Variants in PPM1H observed in about 807,000 individuals in gnomAD.
The protein encoded by PPM1H is protein phosphatase 1H.
PPM1H carries 27 observed loss-of-function variants against 54.9 expected under a neutral mutation model. That is an observed-to-expected ratio of 0.49 (90% CI 0.36 to 0.68). PPM1H has a LOEUF of 0.68. Ranked by LOEUF, PPM1H falls within the 30% of genes least tolerant of loss-of-function variation. The pLI, the probability that PPM1H is intolerant of heterozygous loss-of-function variation, is 0.00. For synonymous variants in PPM1H, 305 were observed against 270.8 expected (o/e 1.13, Z -1.24); for missense variants, 596 against 667.8 (o/e 0.89, Z 1.19).
At chr12:62,715,916 G>A (rs1467389481) in intron 6 of PPM1H, among the ~76,000 whole-genome samples, 1 of 152,152 alleles carries the variant, frequency 6.6e-6, no homozygotes, top group Admixed American at 6.5e-5. Context: ...TGACCCTATA[G>A]GATCGTCAAG....
At chr12:62,925,022 G>T (rs988104725) in intron 1 of PPM1H, among the ~76,000 whole-genome samples, 2 of 152,070 alleles carry the variant, frequency 1.3e-5, no homozygotes, top group African/African-American at 4.8e-5. Flanking sequence ...CAGCCTGAGC[G>T]ACAGAGCAAG....
At chr12:62,655,206 A>G (rs1370061791) in intron 9 of PPM1H, among the ~76,000 whole-genome samples, 2 of 152,124 alleles carry the variant, frequency 1.3e-5, no homozygotes, top group African/African-American at 4.8e-5. Context: ...CCGGGGACTC[A>G]GCTCTTGGGA....
chr12:62,851,982 C>A (rs1463342683), intron 1 of PPM1H, among the ~76,000 whole-genome samples: 4 of 150,954 alleles, frequency 2.6e-5, no homozygotes, highest in Non-Finnish European at 4.4e-5. Flanking sequence ...GCCTGTAATC[C>A]CAGCACTTTG....
At chr12:62,681,386 G>A (rs903119303) in intron 8 of PPM1H, among the ~76,000 whole-genome samples, 1 of 151,982 alleles carries the variant, frequency 6.6e-6, no homozygotes, top group African/African-American at 2.4e-5. Flanking sequence ...GCTCCTCACT[G>A]CCACAGTCTC....
intron 4 of PPM1H, among the ~76,000 whole-genome samples, chr12:62,741,814 G>A (rs1472138523): frequency 2.0e-5 from 3 of 152,178 alleles, no homozygotes; most frequent in Non-Finnish European, 2.9e-5. Flanking sequence ...GCTTGCTGAT[G>A]GATAAGTGGC....
chr12:62,679,492 A>G (rs1161797229), intron 8 of PPM1H, among the ~76,000 whole-genome samples: 2 of 152,022 alleles, frequency 1.3e-5, no homozygotes, highest in Non-Finnish European at 2.9e-5. Flanking sequence ...AGAACTCCCC[A>G]TTTTCCCTTT....
chr12:62,838,624 GAAT>G (rs935124465), intron 1 of PPM1H, among the ~76,000 whole-genome samples: 6 of 147,550 alleles, frequency 4.1e-5, no homozygotes, highest in African/African-American at 1.6e-4. Context: ...CATCCATCAA[GAAT>G]AATAGCTTCT....
At chr12:62,837,481 C>G (rs1292467560) in intron 1 of PPM1H, among the ~76,000 whole-genome samples, 1 of 152,238 alleles carries the variant, frequency 6.6e-6, no homozygotes, top group Non-Finnish European at 1.5e-5. Context: ...GGCAAAGTCA[C>G]TCAACACCAA....
Position 62,715,386 on chromosome 12 carries a change from G to T in PPM1H, c.1073+4785C>A, listed in dbSNP as rs74098815. Among the ~76,000 whole-genome samples the T allele has an allele frequency of 9.8e-3, 1,487 of 152,070 alleles. 21 individuals are homozygous for T. Among genetic ancestry groups the T allele is most frequent in the African/African-American group, 0.035 (1,434 of 41,444 alleles). On this transcript the variant is annotated intron_variant, in intron 6 of 9. Coordinates refer to ENST00000228705, the MANE Select transcript of PPM1H (RefSeq NM_020700.2). ...CCATCAGGAATGAACTCAGCACTGG[G>T]GGCACTGCGAAGAGAATGGCTTTGT...
intron 1 of PPM1H, among the ~76,000 whole-genome samples, chr12:62,873,593 AG>A (rs1417393179): frequency 6.6e-5 from 10 of 152,350 alleles, no homozygotes; most frequent in African/African-American, 1.9e-4. Flanking sequence ...GGCAGATCAG[AG>A]CCCAGATCCA....
At chr12:62,908,422 A>AAAG (rs1555205219) in intron 1 of PPM1H, among the ~76,000 whole-genome samples, 13 of 134,176 alleles carry the variant, frequency 9.7e-5, no homozygotes, top group Non-Finnish European at 1.3e-4. Context: ...AAAAAAAAAA[A>AAAG]AAAGAAAGAA....
intron 4 of PPM1H, among the ~76,000 whole-genome samples, chr12:62,771,063 C>A (rs1407753609): frequency 1.4e-5 from 2 of 147,474 alleles, no homozygotes; most frequent in African/African-American, 5.3e-5. Flanking sequence ...CACACACACA[C>A]ACACACACAC....
rs564244468 is a variant in PPM1H, at chr12:62,794,245, C to T, written c.757-5907G>A. On this transcript the variant is annotated intron_variant, in intron 3 of 9. Coordinates refer to ENST00000228705, the MANE Select transcript of PPM1H (RefSeq NM_020700.2). ...ACAAAAACAAAGAGAACAAAACCAA[C>T]TTAAATTTAAGACAGCTATGTGGGT... is the stretch of plus-strand genomic sequence containing the variant. Among the ~76,000 whole-genome samples the T allele has an allele frequency of 6.8e-4, 104 of 152,314 alleles. 3 individuals are homozygous for T. In the South Asian group the frequency reaches 0.012, roughly 18 times the overall value.
intron 2 of PPM1H, among the ~76,000 whole-genome samples, chr12:62,831,258 C>A (rs1181085725): frequency 6.6e-6 from 1 of 152,124 alleles, no homozygotes; most frequent in Non-Finnish European, 1.5e-5. Flanking sequence ...AATGAATAGT[C>A]ACATTTGGGT....
Position 62,801,967 on chromosome 12 carries a change from T to C in PPM1H, c.605A>G (p.Asn202Ser). Residue 202 changes from asparagine to serine, a missense_variant, in exon 3 of 10, where the codon AAC becomes AGC. This residue lies in a region of PPM1H where 382 missense variants were observed against 387.1 expected (regional missense o/e 0.99). Coordinates refer to ENST00000228705, the MANE Select transcript of PPM1H (RefSeq NM_020700.2). ...GGCTGCCCGGGTCAGAGTCCGGCTG[T>C]TGGCGGGCGTGTTCTCAGGCTCCTC... ...LGEEPENTPA[N>S]SRTLTRAASL... 6.2e-7 allele frequency: 1 copy of C among 1,612,708 alleles called. No individual in the cohort carries two copies. Among genetic ancestry groups the C allele is most frequent in the Non-Finnish European group, 8.5e-7 (1 of 1,179,186 alleles).
chr12:62,918,399 C>T (rs1871689258), intron 1 of PPM1H, among the ~76,000 whole-genome samples: 1 of 152,150 alleles, frequency 6.6e-6, no homozygotes, highest in Non-Finnish European at 1.5e-5. Context: ...ATGATGGTAC[C>T]AAAATAGGGG....
intron 8 of PPM1H, among the ~76,000 whole-genome samples, chr12:62,683,207 G>C (rs2076032954): frequency 6.6e-6 from 1 of 151,828 alleles, no homozygotes; most frequent in Non-Finnish European, 1.5e-5. Context: ...ACTGTGCCTG[G>C]CCCATTCTCT....
chr12:62,927,256 A>C (rs1342857480), intron 1 of PPM1H, among the ~76,000 whole-genome samples: 1 of 152,264 alleles, frequency 6.6e-6, no homozygotes, highest in Non-Finnish European at 1.5e-5. Flanking sequence ...TGAGCTGAAG[A>C]AAACATATGA....
At chr12:62,800,512 T>G (rs932842868) in intron 3 of PPM1H, among the ~76,000 whole-genome samples, 2 of 152,100 alleles carry the variant, frequency 1.3e-5, no homozygotes, top group Non-Finnish European at 2.9e-5. Context: ...AATTTTTTTG[T>G]ATTTTTGGTA....
Sources: allele counts gnomAD v4.1 joint callset (sites outside exome capture counted in the v4.1 genomes callset), GRCh38; gene constraint gnomAD v4.1.1; regional missense constraint gnomAD v4.1.1; transcripts MANE v1.5; gene names NCBI Gene and HGNC (gene_info 2026-07-23, HGNC 2026-07-21).